ZNF462: variants seen among roughly 807,000 people sequenced by gnomAD.
ZNF462 encodes the protein zinc finger PBX1-interacting protein.
Under a neutral mutation model 201.9 loss-of-function variants are expected in ZNF462, and 10 were observed. The ratio of observed to expected loss-of-function variants is 0.05; its 90% CI spans 0.03 to 0.08. ZNF462 has a LOEUF of 0.08. Ranked by LOEUF, ZNF462 falls within the 10% of genes least tolerant of loss-of-function variation. The probability of loss-of-function intolerance (pLI) is 1.00; values close to 1 mark genes in which losing one functional copy is unlikely to be tolerated. For missense variants in ZNF462, 2,523 were observed against 3,168.3 expected, an observed-to-expected ratio of 0.80 and a Z score of 4.89; for synonymous variants, 1,227 against 1,193.3, an observed-to-expected ratio of 1.03 and a Z score of -0.58.
intron 10 of ZNF462, among the ~76,000 whole-genome samples, chr9:106,999,737 TTAAA>T (rs1372405228): frequency 6.6e-6 from 1 of 152,208 alleles, no homozygotes; most frequent in African/African-American, 2.4e-5. Flanking sequence ...TAGTTGGACT[TTAAA>T]TGAGTTTTTC....
intron 6 of ZNF462, among the ~76,000 whole-genome samples, chr9:106,936,974 T>C (rs1031679905): frequency 6.6e-6 from 1 of 152,206 alleles, no homozygotes; most frequent in African/African-American, 2.4e-5. Context: ...TTGACATACC[T>C]TGGAACCTTG....
Position 106,930,020 on chromosome 9 carries a change from G to A in ZNF462, c.5847+261G>A, listed in dbSNP as rs1367709843. On this transcript the variant is annotated intron_variant, in intron 3 of 12. Transcript: ENST00000277225. This position sits in a 1 kb window ranked among gnomAD's most constrained non-coding sequence, Gnocchi z 5.8. ...GAGGTTTGGGGTGGTTTCTATGTAT[G>A]TCTTTCTGCCAAGTAGCTTTATCTG... is the stretch of plus-strand genomic sequence containing the variant. 6.6e-6 allele frequency among the ~76,000 whole-genome samples: 1 copy of A among 152,080 alleles called. No homozygotes were observed. The highest frequency in any genetic ancestry group is 1.9e-4 in the East Asian group (1 of 5,186).
chr9:106,876,778 T>C lies in ZNF462; in HGVS notation c.-31+13423T>C, dbSNP rs1450504331. On this transcript the variant is annotated intron_variant, in intron 1 of 12. Coordinates refer to ENST00000277225, the MANE Select transcript of ZNF462 (RefSeq NM_021224.6). This position sits in a 1 kb window ranked among gnomAD's most constrained non-coding sequence, Gnocchi z 4.9. ...AGATGTTATTACTGTTCCTATTGTT[T>C]GGCATCATTCTGGCAAAAATGATAT... 6.6e-6 allele frequency among the ~76,000 whole-genome samples: 1 copy of C among 152,200 alleles called. No homozygotes were observed. The highest frequency in any genetic ancestry group is 1.9e-4 in the East Asian group (1 of 5,196).
chr9:106,887,291 A>G (rs923168536), intron 1 of ZNF462, among the ~76,000 whole-genome samples: 1 of 152,160 alleles, frequency 6.6e-6, no homozygotes, highest in African/African-American at 2.4e-5. Flanking sequence ...ACCTTCTAAC[A>G]TGTTGTTCTT....
intron 10 of ZNF462, among the ~76,000 whole-genome samples, chr9:106,999,113 T>C (rs1327645158): frequency 6.6e-6 from 1 of 152,170 alleles, no homozygotes; most frequent in Non-Finnish European, 1.5e-5. Context: ...AGAAAGAGCC[T>C]GGAAGGAGCT....
At chr9:106,991,839 T>TCTACACACACACACAC (rs941555040) in intron 10 of ZNF462, among the ~76,000 whole-genome samples, 14 of 136,254 alleles carry the variant, frequency 1.0e-4, no homozygotes, top group African/African-American at 4.0e-4. Context: ...CAGCACTCTC[T>TCTACACACACACACAC]ACACACACAC....
intron 10 of ZNF462, among the ~76,000 whole-genome samples, chr9:106,989,320 G>C (rs1039282498): frequency 2.0e-5 from 3 of 152,052 alleles, no homozygotes; most frequent in African/African-American, 7.2e-5. Context: ...TTCAAATTCT[G>C]TTTATGTGGT....
At chr9:106,934,978 C>T (rs1045623753) in intron 5 of ZNF462, among the ~76,000 whole-genome samples, 5 of 152,056 alleles carry the variant, frequency 3.3e-5, no homozygotes, top group African/African-American at 1.2e-4. Context: ...ACAAGACAGC[C>T]CATTGCAAGA....
Position 106,923,402 on chromosome 9 carries a change from G to T in ZNF462, c.19G>T (p.Asp7Tyr). 6.2e-7 allele frequency: 1 copy of T among 1,614,180 alleles called. No homozygotes were observed. The highest frequency in any genetic ancestry group is 8.5e-7 in the Non-Finnish European group (1 of 1,180,036). ...CCAGATCATGGAGGTGCTTCAGTGT[G>T]ATGGCTGTGATTTCCGAGCCCCGTC... is the stretch of plus-strand genomic sequence containing the variant. MEVLQC[D>Y]GCDFRAPSYE... is the part of the protein sequence containing the mutation. The change falls in exon 2 of 13, where the codon GAT becomes TAT. Residue 7 changes from aspartate to tyrosine, a missense_variant. Asp to Tyr is a radical substitution (Grantham distance 160). Coordinates refer to ENST00000277225, the MANE Select transcript of ZNF462 (RefSeq NM_021224.6). The surrounding 1 kb of genome is among the most constrained non-coding windows in gnomAD (Gnocchi z 5.6).
At chr9:106,867,596 T>C (rs1165181473) in intron 1 of ZNF462, among the ~76,000 whole-genome samples, 1 of 151,906 alleles carries the variant, frequency 6.6e-6, no homozygotes, top group Non-Finnish European at 1.5e-5. Flanking sequence ...AACAAACTTA[T>C]CTGCTCTTCC....
chr9:106,931,314 T>TC (rs1830414737), intron 4 of ZNF462, among the ~76,000 whole-genome samples: 1 of 152,166 alleles, frequency 6.6e-6, no homozygotes, highest in South Asian at 2.1e-4. Context: ...AACATCATAA[T>TC]CCTAATAGCA....
rs1261198490 is a variant in ZNF462 at position 106,883,380 on chromosome 9, C to T, written c.-31+20025C>T. On this transcript the variant is annotated intron_variant, in intron 1 of 12. Coordinates refer to ENST00000277225, the MANE Select transcript of ZNF462 (RefSeq NM_021224.6). The surrounding 1 kb of genome is among the most constrained non-coding windows in gnomAD (Gnocchi z 4.9). ...AAAGCAGAGACCATATTAATGCTGG[C>T]CCAGTGAAGGCAGAATAGTGTGCGG... Among the ~76,000 whole-genome samples, 1 of 152,138 alleles carries T rather than the reference C, an allele frequency of 6.6e-6. No homozygotes were observed. Among genetic ancestry groups the T allele is most frequent in the Non-Finnish European group, 1.5e-5 (1 of 68,016 alleles).
intron 7 of ZNF462, among the ~76,000 whole-genome samples, chr9:106,940,213 A>C (rs1371796865): frequency 6.6e-6 from 1 of 152,212 alleles, no homozygotes; most frequent in Non-Finnish European, 1.5e-5. Context: ...ATTAATGAGA[A>C]AAGATACGCA....
Position 106,932,051 on chromosome 9 carries a change from C to T in ZNF462, c.6013-395C>T, listed in dbSNP as rs1012384135. On this transcript the variant is annotated intron_variant, in intron 4 of 12. Coordinates refer to ENST00000277225, the MANE Select transcript of ZNF462 (RefSeq NM_021224.6). The surrounding 1 kb of genome is among the most constrained non-coding windows in gnomAD (Gnocchi z 6.8). ...TTCGCAAACAGTAGCAACCTGTGTCCGGGTATGTTGTCCTAAAATCACCTC... is the reference window on the plus strand; with the variant it reads ...TTCGCAAACAGTAGCAACCTGTGTCTGGGTATGTTGTCCTAAAATCACCTC... Among the ~76,000 whole-genome samples, 4 of 152,078 alleles carry T rather than the reference C, an allele frequency of 2.6e-5. No homozygotes were observed. Among genetic ancestry groups the T allele is most frequent in the African/African-American group, 7.2e-5 (3 of 41,392 alleles).
intron 10 of ZNF462, among the ~76,000 whole-genome samples, chr9:106,986,671 G>A (rs543865407): frequency 1.3e-5 from 2 of 152,214 alleles, no homozygotes; most frequent in South Asian, 2.1e-4. Flanking sequence ...GGTTACATGA[G>A]TAATTTCTTT....
intron 9 of ZNF462, chr9:106,976,537 A>G (rs563445880): frequency 1.3e-5 from 2 of 152,350 alleles, no homozygotes; most frequent in East Asian, 3.9e-4. Context: ...TAAGCAGTCA[A>G]TCGCAGTCCT....
intron 7 of ZNF462, among the ~76,000 whole-genome samples, chr9:106,952,094 G>A (rs182103025): frequency 6.6e-6 from 1 of 152,222 alleles, no homozygotes; most frequent in East Asian, 1.9e-4. Context: ...ATGAGTTTGA[G>A]ATTTGGCTTG....
rs926073941 is a variant in ZNF462, at chr9:107,008,852, A to G, written c.7190-693A>G. ...ATCCCCGTATTCATGAATACCACCAATTGAGGGGTAGGTGCCAGGCAGCTG... is the reference window on the plus strand; with the variant it reads ...ATCCCCGTATTCATGAATACCACCAGTTGAGGGGTAGGTGCCAGGCAGCTG... On this transcript the variant is annotated intron_variant, in intron 11 of 12. Transcript: ENST00000277225. This position sits in a 1 kb window ranked among gnomAD's most constrained non-coding sequence, Gnocchi z 4.8. 2.6e-5 allele frequency among the ~76,000 whole-genome samples: 4 copies of G among 152,196 alleles called. No individual in the cohort carries two copies. The highest frequency in any genetic ancestry group is 6.5e-5 in the Admixed American group (1 of 15,280).
chr9:106,905,106 A>G lies in ZNF462; in HGVS notation c.-30-18248A>G, dbSNP rs1343225534. On this transcript the variant is annotated intron_variant, in intron 1 of 12. Coordinates refer to ENST00000277225, the MANE Select transcript of ZNF462 (RefSeq NM_021224.6). This position sits in a 1 kb window ranked among gnomAD's most constrained non-coding sequence, Gnocchi z 5.9. ...ACTGTTGTTCAGATTCTTTTGTCCCAAGGGGTGTTCCCTTGATGTGTAGTA... is the reference window on the plus strand; with the variant it reads ...ACTGTTGTTCAGATTCTTTTGTCCCGAGGGGTGTTCCCTTGATGTGTAGTA... 1.3e-5 allele frequency among the ~76,000 whole-genome samples: 2 copies of G among 152,160 alleles called. No homozygotes were observed. The highest frequency in any genetic ancestry group is 2.9e-5 in the Non-Finnish European group (2 of 68,020).
Sources: allele counts gnomAD v4.1 joint callset (sites outside exome capture counted in the v4.1 genomes callset), GRCh38; gene constraint gnomAD v4.1.1; non-coding constraint Gnocchi (gnomAD v3.1); transcripts MANE v1.5; gene names NCBI Gene and HGNC (gene_info 2026-07-23, HGNC 2026-07-21).